SPATA17: variants seen among roughly 807,000 people sequenced by gnomAD.
SPATA17 encodes the protein spermatogenesis associated 17.
A neutral mutation model predicts 62.2 loss-of-function variants in SPATA17; 53 were observed. The ratio of observed to expected loss-of-function variants is 0.85; its 90% CI spans 0.68 to 1.07. The LOEUF (loss-of-function observed/expected upper bound fraction) is 1.07. Ranked by LOEUF, SPATA17 falls within the 50% of genes least tolerant of loss-of-function variation. SPATA17 has a pLI of 0.00. For synonymous variants in SPATA17, 146 were observed against 146.8 expected (o/e 0.99, Z 0.04); for missense variants, 466 against 425.5 (o/e 1.10, Z -0.84).
At chr1:217,833,770 G>A (rs1030851779) in intron 9 of SPATA17, among the ~76,000 whole-genome samples, 1 of 152,088 alleles carries the variant, frequency 6.6e-6, no homozygotes, top group African/African-American at 2.4e-5. Flanking sequence ...AATTTTGCAA[G>A]TAAAGACATG....
intron 9 of SPATA17, among the ~76,000 whole-genome samples, chr1:217,859,530 C>T (rs931578291): frequency 4.6e-5 from 7 of 152,052 alleles, no homozygotes; most frequent in African/African-American, 1.7e-4. Context: ...ACCTCAGCTT[C>T]CTAAGTAGCT....
intron 9 of SPATA17, among the ~76,000 whole-genome samples, chr1:217,861,485 A>T (rs1675896557): frequency 6.6e-6 from 1 of 151,588 alleles, no homozygotes; most frequent in South Asian, 2.1e-4. Context: ...TGCTTCATGC[A>T]GATGTCTAAA....
At chr1:217,787,830 T>C (rs1026334588) in intron 8 of SPATA17, among the ~76,000 whole-genome samples, 3 of 152,192 alleles carry the variant, frequency 2.0e-5, no homozygotes, top group Admixed American at 6.5e-5. Context: ...TGCAATTATA[T>C]GTATATTTAT....
At chr1:217,667,565 C>A (rs1670727470) in intron 3 of SPATA17, among the ~76,000 whole-genome samples, 2 of 152,058 alleles carry the variant, frequency 1.3e-5, no homozygotes, top group Non-Finnish European at 1.5e-5. Flanking sequence ...TTGTTCACGG[C>A]CACACAGCTG....
chr1:217,791,372 T>C (rs910904703), intron 8 of SPATA17, among the ~76,000 whole-genome samples: 1 of 152,214 alleles, frequency 6.6e-6, no homozygotes, highest in African/African-American at 2.4e-5. Flanking sequence ...AATGAAGTTC[T>C]GGTACTTTAT....
At chr1:217,642,898 A>G (rs78939622) in intron 1 of SPATA17, among the ~76,000 whole-genome samples, 6,318 of 152,236 alleles carry the variant, frequency 0.042, 197 homozygotes, top group Middle Eastern at 0.095. Context: ...AAAACGGATG[A>G]ATAACAGAGG....
At chr1:217,855,943 T>C (rs1675776095) in intron 9 of SPATA17, among the ~76,000 whole-genome samples, 1 of 151,936 alleles carries the variant, frequency 6.6e-6, no homozygotes, top group Non-Finnish European at 1.5e-5. Context: ...GCCAGGATGG[T>C]CTCGATCCCT....
At position 217,724,491 on chromosome 1, in the gene SPATA17, G is replaced by A. The variant is rs185051589; in HGVS notation, c.396-17484G>A. On this transcript the variant is annotated intron_variant, in intron 5 of 10. Transcript: ENST00000366933. ...TAGTCCCAGCTACTCAGGAGGCTGA[G>A]GCAGGAGAATCACCTGAACCCAGGC... is the stretch of plus-strand genomic sequence containing the variant. 8.2e-4 allele frequency among the ~76,000 whole-genome samples: 125 copies of A among 152,226 alleles called. 1 individual carries two copies. Among genetic ancestry groups the A allele is most frequent in the African/African-American group, 3.0e-3 (125 of 41,538 alleles).
intron 9 of SPATA17, among the ~76,000 whole-genome samples, chr1:217,806,091 T>C (rs951609535): frequency 5.9e-5 from 9 of 152,218 alleles, no homozygotes; most frequent in African/African-American, 1.9e-4. Context: ...GATATTTCTA[T>C]GCCAAAAGGG....
intron 9 of SPATA17, among the ~76,000 whole-genome samples, chr1:217,835,204 T>C (rs545934702): frequency 3.3e-4 from 50 of 152,234 alleles, no homozygotes; most frequent in African/African-American, 1.2e-3. Context: ...AGAAATCTCT[T>C]GGTTGAACTC....
chr1:217,822,059 G>T (rs746368048), intron 9 of SPATA17, among the ~76,000 whole-genome samples: 1 of 152,082 alleles, frequency 6.6e-6, no homozygotes, highest in African/African-American at 2.4e-5. Context: ...GCCCCCTGCA[G>T]TGAAGAATTA....
At chr1:217,845,891 C>T (rs1038987961) in intron 9 of SPATA17, among the ~76,000 whole-genome samples, 2 of 152,048 alleles carry the variant, frequency 1.3e-5, no homozygotes. Flanking sequence ...AATTTCCCCC[C>T]ACTCTCCTCT....
At chr1:217,774,823 C>G (rs1272514935) in intron 7 of SPATA17, among the ~76,000 whole-genome samples, 1 of 152,132 alleles carries the variant, frequency 6.6e-6, no homozygotes, top group Non-Finnish European at 1.5e-5. Context: ...CAGAATATGT[C>G]CGAATTTCCT....
At chr1:217,808,278 C>G (rs930440881) in intron 9 of SPATA17, among the ~76,000 whole-genome samples, 12 of 151,918 alleles carry the variant, frequency 7.9e-5, no homozygotes, top group Admixed American at 7.9e-4. Flanking sequence ...TTTTAACCTT[C>G]TTTAGCTCAG....
chr1:217,727,266 A>AATG (rs1558581771), intron 5 of SPATA17, among the ~76,000 whole-genome samples: 1,716 of 148,656 alleles, frequency 0.012, 33 homozygotes, highest in African/African-American at 0.041. Context: ...TAATAATAAT[A>AATG]ATAATAATAA....
intron 9 of SPATA17, among the ~76,000 whole-genome samples, chr1:217,852,826 G>A (rs1571844339): frequency 1.3e-5 from 2 of 152,184 alleles, no homozygotes; most frequent in Admixed American, 1.3e-4. Flanking sequence ...CACCTCCTTT[G>A]GGTTTGTCCT....
chr1:217,869,956 T>A lies in SPATA17; in HGVS notation c.*2937T>A, dbSNP rs1283899992. The A allele has an allele frequency of 6.6e-6, 1 of 152,186 alleles. No homozygotes were observed. Among genetic ancestry groups the A allele is most frequent in the Non-Finnish European group, 1.5e-5 (1 of 68,028 alleles). 9.4% of individuals were successfully genotyped at this position (152,186 alleles called of 1,614,324 possible). A position where few individuals can be genotyped will look rare whatever the true frequency, so the allele number is the denominator to read the frequency against. On this transcript the variant is annotated 3_prime_UTR_variant, in exon 11 of 11. Coordinates refer to ENST00000366933, the MANE Select transcript of SPATA17 (RefSeq NM_138796.4). The stretch of plus-strand genomic sequence containing the variant: ...AAGCCACCATAAATAGCGGACCATC[T>A]GTATATCTGAAAGAAGATGAACCAA...
chr1:217,820,865 G>A (rs923161636), intron 9 of SPATA17, among the ~76,000 whole-genome samples: 4 of 151,968 alleles, frequency 2.6e-5, no homozygotes, highest in Non-Finnish European at 5.9e-5. Context: ...TTTTAAAGAC[G>A]CTTATTTAGC....
intron 5 of SPATA17, among the ~76,000 whole-genome samples, chr1:217,718,685 G>A (rs951950141): frequency 6.6e-6 from 1 of 152,064 alleles, no homozygotes; most frequent in Non-Finnish European, 1.5e-5. Flanking sequence ...TGAGTGAGAA[G>A]TAGGAAGAAG....
Sources: allele counts gnomAD v4.1 joint callset (sites outside exome capture counted in the v4.1 genomes callset), GRCh38; gene constraint gnomAD v4.1.1; transcripts MANE v1.5; gene names NCBI Gene and HGNC (gene_info 2026-07-23, HGNC 2026-07-21).